LIPE: variants seen among roughly 807,000 people sequenced by gnomAD.
The protein encoded by LIPE is lipase E, hormone sensitive type, also known as hormone-sensitive lipase.
In LIPE, 66 loss-of-function variants were observed where a neutral mutation model predicts 88.5. The ratio of observed to expected loss-of-function variants is 0.75; its 90% CI spans 0.61 to 0.91. LIPE has a LOEUF of 0.91. LIPE is among the 40% of genes least tolerant of loss of function. The pLI is 0.00. For synonymous variants in LIPE, 570 were observed against 617.5 expected (o/e 0.92, Z 1.14); for missense variants, 1,346 against 1,434.7 (o/e 0.94, Z 1.00).
chr19:42,408,810 C>A lies in LIPE; in HGVS notation c.1420-488G>T, dbSNP rs1292047748. ...CTGCACTCCAGCCTGGGCGACAGAG[C>A]GAGACTCTGTCTCTAAAAAAAAAAA... On this transcript the variant is annotated intron_variant, in intron 2 of 9. Transcript: ENST00000244289. The surrounding 1 kb of genome is among the most constrained non-coding windows in gnomAD (Gnocchi z 4.3). Among the ~76,000 whole-genome samples, 1 of 146,238 alleles carries A rather than the reference C, an allele frequency of 6.8e-6. No homozygotes were observed. The highest frequency in any genetic ancestry group is 1.5e-5 in the Non-Finnish European group (1 of 66,378).
chr19:42,401,898 G>A lies in LIPE; in HGVS notation c.3145C>T (p.Leu1049Phe), dbSNP rs2039983673. ...AAELCVERIRLVLTPPAGAGP... is the reference protein window; with the variant it reads ...AAELCVERIRFVLTPPAGAGP... ...GCTCCGGCGGGAGGAGTGAGGACGA[G>A]GCGGATGCGCTCCACGCACAGCTCT... The change falls in exon 10 of 10, where the codon CTC (leucine) becomes TTC (phenylalanine). Residue 1049 changes from leucine (L) to phenylalanine (F), a missense_variant. Physicochemically the swap from Leu to Phe is conservative, Grantham distance 22 (BLOSUM62 0). Coordinates refer to ENST00000244289, the MANE Select transcript of LIPE (RefSeq NM_005357.4). 2.6e-6 allele frequency: 4 copies of A among 1,546,426 alleles called. No individual in the cohort carries two copies. Among genetic ancestry groups the A allele is most frequent in the Middle Eastern group, 2.1e-4 (1 of 4,858 alleles).
In LIPE at chr19:42,404,066, T is replaced by A. The variant is rs1469598156; in HGVS notation, c.2543-1035A>T. ...AGATGCTACAGTTTTAGTTTTTTAC[T>A]TTTTTTTTTTTTTTTTGAGATGGAG... On this transcript the variant is annotated intron_variant, in intron 8 of 9. Transcript: ENST00000244289. Among the ~76,000 whole-genome samples, 3 of 133,854 alleles carry A rather than the reference T, an allele frequency of 2.2e-5. No homozygotes were observed. The South Asian group carries it at 7.5e-4, about 34-fold the overall frequency. 87.8% of individuals were successfully genotyped at this position (133,854 alleles called of 152,430 possible).
In LIPE at chr19:42,426,413, G is replaced by A; in HGVS notation, c.737C>T (p.Ser246Phe). 6.2e-7 allele frequency: 1 copy of A among 1,614,076 alleles called. No homozygotes were observed. Among genetic ancestry groups the A allele is most frequent in the Non-Finnish European group, 8.5e-7 (1 of 1,180,016 alleles). The stretch of plus-strand genomic sequence containing the variant: ...CACCATTCCACCCATCGTGGCTGGA[G>A]AATCTGTGTCTGAAGATGATCCCAC... ...SDVGSSSDTDSPATMGGMVAQ... is the reference protein window; with the variant it reads ...SDVGSSSDTDFPATMGGMVAQ... The change falls in exon 1 of 10, where the codon TCT becomes TTT. Residue 246 changes from serine to phenylalanine, a missense_variant. Ser to Phe is a radical substitution (Grantham distance 155, BLOSUM62 -2). Transcript: ENST00000244289.
rs70937099 is a variant in LIPE, at chr19:42,402,912, A to G, written c.2662T>C (p.Ser888Pro). ...AGCGACATCTCGGGGGTGTCCGACGACGTCTCGGAGTTTCCCCTCAGGCTC... is the reference window on the plus strand; with the variant it reads ...AGCGACATCTCGGGGGTGTCCGACGGCGTCTCGGAGTTTCCCCTCAGGCTC... ...DLSLRGNSET[S>P]SDTPEMSLSA... is the part of the protein sequence containing the mutation. The change falls in exon 9 of 10, where the codon TCG (serine) becomes CCG (proline). Residue 888 changes from serine to proline, a missense_variant. Physicochemically the swap from Ser to Pro is moderately conservative, Grantham distance 74 (BLOSUM62 -1). Coordinates refer to ENST00000244289, the MANE Select transcript of LIPE (RefSeq NM_005357.4). The G allele has an allele frequency of 8.6e-4, 1,388 of 1,611,958 alleles. 16 individuals are homozygous for G. In the East Asian group the frequency reaches 0.028, roughly 33 times the overall value.
intron 1 of LIPE, among the ~76,000 whole-genome samples, chr19:42,420,947 G>GGAGTA (rs2040586855): frequency 6.6e-6 from 1 of 152,020 alleles, no homozygotes; most frequent in Non-Finnish European, 1.5e-5. Flanking sequence ...TGCCCAGGCT[G>GGAGTA]GAGTAGAGTG....
chr19:42,423,791 G>C lies in LIPE; in HGVS notation c.883+2476C>G, dbSNP rs559803367. Reference sequence around the variant, plus strand: ...CGCGGCCAACAAAAAGGCAACCCCGGGGGTGGCGAAAAGCGTCCTTCGGGC... The same window carrying C: ...CGCGGCCAACAAAAAGGCAACCCCGCGGGTGGCGAAAAGCGTCCTTCGGGC... On this transcript the variant is annotated intron_variant, in intron 1 of 9. Transcript: ENST00000244289. 198 of 1,109,886 alleles carry C rather than the reference G, an allele frequency of 1.8e-4. No individual in the cohort carries two copies. In the African/African-American group the frequency reaches 2.7e-3, roughly 15 times the overall value. The allele number at this position is 1,109,886 out of a possible 1,614,324, so 68.8% of individuals were successfully genotyped here.
rs1312205495 is a variant in LIPE at position 42,406,382 on chromosome 19, G to T, written c.2144C>A (p.Thr715Lys). Residue 715 changes from threonine (T) to lysine (K), a missense_variant, in exon 7 of 10, where the codon ACA (threonine) becomes AAA (lysine). Transcript: ENST00000244289. This position sits in a 1 kb window ranked among gnomAD's most constrained non-coding sequence, Gnocchi z 5.7. The stretch of plus-strand genomic sequence containing the variant: ...CCCCGCAAGGCAGATTCGTTCCCCT[G>T]TTGAGCCTGGTTTGGGAGAGGGGTG... ...AIKHCALLGS[T>K]GERICLAGDS... 17 of 1,612,286 alleles carry T rather than the reference G, an allele frequency of 1.1e-5. No individual in the cohort carries two copies. The highest frequency in any genetic ancestry group is 1.4e-5 in the Non-Finnish European group (17 of 1,178,404).
chr19:42,403,241 A>ATGTGTGTGTG (rs56983822), intron 8 of LIPE, among the ~76,000 whole-genome samples: 7 of 92,000 alleles, frequency 7.6e-5, no homozygotes, highest in East Asian at 7.3e-4. Context: ...CTAGTGAAGG[A>ATGTGTGTGTG]TGTGTGTGTG....
chr19:42,425,525 G>A (rs1166497919), intron 1 of LIPE, among the ~76,000 whole-genome samples: 3 of 152,054 alleles, frequency 2.0e-5, no homozygotes, highest in Non-Finnish European at 4.4e-5. Flanking sequence ...AAATGAGGAT[G>A]TTGGCCAGGT....
chr19:42,420,100 A>G (rs932013708), intron 1 of LIPE, among the ~76,000 whole-genome samples: 1 of 149,418 alleles, frequency 6.7e-6, no homozygotes, highest in African/African-American at 2.5e-5. Context: ...CCCACAACCT[A>G]TGAGGGAGAG....
Position 42,406,705 on chromosome 19 carries a change from G to A in LIPE, c.2138-317C>T, listed in dbSNP as rs1255089941. Reference sequence around the variant, plus strand: ...AGCTGAGCTCAGGCCTGTTGCAGGAGGGGGGCCTCAGAGGGCGGGAATGGA... The same window carrying A: ...AGCTGAGCTCAGGCCTGTTGCAGGAAGGGGGCCTCAGAGGGCGGGAATGGA... On this transcript the variant is annotated intron_variant, in intron 6 of 9. Coordinates refer to ENST00000244289, the MANE Select transcript of LIPE (RefSeq NM_005357.4). The surrounding 1 kb of genome is among the most constrained non-coding windows in gnomAD (Gnocchi z 5.7). 6.6e-6 allele frequency among the ~76,000 whole-genome samples: 1 copy of A among 152,162 alleles called. No homozygotes were observed. Among genetic ancestry groups the A allele is most frequent in the Non-Finnish European group, 1.5e-5 (1 of 68,016 alleles).
Position 42,406,654 on chromosome 19 carries a change from A to T in LIPE, c.2138-266T>A, listed in dbSNP as rs2040193273. Reference sequence around the variant, plus strand: ...TCTGTCGGGGCTGGAGGTTGGGAGCAGGGAGGGCAGGTGGTGGGAAAGGGG... The same window carrying T: ...TCTGTCGGGGCTGGAGGTTGGGAGCTGGGAGGGCAGGTGGTGGGAAAGGGG... On this transcript the variant is annotated intron_variant, in intron 6 of 9. Transcript: ENST00000244289. The surrounding 1 kb of genome is among the most constrained non-coding windows in gnomAD (Gnocchi z 5.7). Among the ~76,000 whole-genome samples the T allele has an allele frequency of 6.6e-6, 1 of 151,932 alleles. No homozygotes were observed. Among genetic ancestry groups the T allele is most frequent in the African/African-American group, 2.4e-5 (1 of 41,328 alleles).
rs2040447850 is a variant in LIPE, at chr19:42,414,339, GA to G, written c.884-3498del. 6.6e-6 allele frequency among the ~76,000 whole-genome samples: 1 copy of G among 152,024 alleles called. No homozygotes were observed. Among genetic ancestry groups the G allele is most frequent in the Admixed American group, 6.6e-5 (1 of 15,260 alleles). On this transcript the variant is annotated intron_variant, in intron 1 of 9. Transcript: ENST00000244289. The surrounding 1 kb of genome is among the most constrained non-coding windows in gnomAD (Gnocchi z 4.6). ...AAGGAAAGAAGAAAAGAAAAGGAAA[GA>G]AAGATGGCCCAAGCCCTTGCTGGCG... is the stretch of plus-strand genomic sequence containing the variant.
chr19:42,423,991 C>T (rs2040657526), intron 1 of LIPE: 1 of 1,176,390 alleles, frequency 8.5e-7, no homozygotes, highest in Non-Finnish European at 1.1e-6. Context: ...TGGGGCGCCT[C>T]TGAGCCTCTG....
In LIPE at chr19:42,424,691, T is replaced by C. The variant is rs1288296357; in HGVS notation, c.883+1576A>G. 3 of 452,674 alleles carry C rather than the reference T, an allele frequency of 6.6e-6. No homozygotes were observed. In the Admixed American group the frequency reaches 7.1e-5, roughly 11 times the overall value. 28.0% of individuals were successfully genotyped at this position (452,674 alleles called of 1,614,324 possible). ...GCCCTCTGGACCAGGGCCTCACAGATACCCTCAGCTTCAGGATTAGGGCTG... is the reference window on the plus strand; with the variant it reads ...GCCCTCTGGACCAGGGCCTCACAGACACCCTCAGCTTCAGGATTAGGGCTG... On this transcript the variant is annotated intron_variant, in intron 1 of 9. Transcript: ENST00000244289.
rs1054820793 is a variant in LIPE, at chr19:42,408,999, C to A, written c.1420-677G>T. On this transcript the variant is annotated intron_variant, in intron 2 of 9. Transcript: ENST00000244289. The surrounding 1 kb of genome is among the most constrained non-coding windows in gnomAD (Gnocchi z 4.3). ...AGGAATTTGGATTTCATTCCCAGTG[C>A]GGGGTGGTGCCACTGGTAGGCTGTG... is the stretch of plus-strand genomic sequence containing the variant. Among the ~76,000 whole-genome samples the A allele has an allele frequency of 2.6e-5, 4 of 151,808 alleles. No individual in the cohort carries two copies. The highest frequency in any genetic ancestry group is 5.9e-5 in the Non-Finnish European group (4 of 67,964).
intron 9 of LIPE, among the ~76,000 whole-genome samples, chr19:42,402,340 T>C (rs1197997809): frequency 6.6e-6 from 1 of 152,028 alleles, no homozygotes; most frequent in Non-Finnish European, 1.5e-5. Context: ...AAACCCACCT[T>C]TTTTTTCTCT....
chr19:42,419,201 C>T (rs573160306), intron 1 of LIPE, among the ~76,000 whole-genome samples: 1 of 152,316 alleles, frequency 6.6e-6, no homozygotes, highest in South Asian at 2.1e-4. Context: ...TCGCTTGAAC[C>T]TGGGAGGCAG....
rs1264331757 is a variant in LIPE at position 42,402,170 on chromosome 19, G to A, written c.2968-95C>T. On this transcript the variant is annotated intron_variant, in intron 9 of 9. Coordinates refer to ENST00000244289, the MANE Select transcript of LIPE (RefSeq NM_005357.4). ...GAGGGGTTTGATGAACAAAGGGAGCGGGAAATACGGATACAGACGGAGTGG... is the reference window on the plus strand; with the variant it reads ...GAGGGGTTTGATGAACAAAGGGAGCAGGAAATACGGATACAGACGGAGTGG... 9.0e-6 allele frequency: 11 copies of A among 1,228,370 alleles called. No individual in the cohort carries two copies. In the Admixed American group the frequency reaches 1.3e-4, roughly 15 times the overall value. 76.1% of individuals were successfully genotyped at this position (1,228,370 alleles called of 1,614,324 possible).
Sources: gnomAD v4.1 joint callset for allele counts (sites outside exome capture counted in the v4.1 genomes callset) on GRCh38, gnomAD v4.1.1 for gene constraint, Gnocchi (gnomAD v3.1) non-coding constraint, MANE v1.5 for transcripts, NCBI Gene and HGNC (gene_info 2026-07-23, HGNC 2026-07-21) for gene names.